GRAMD2B: variants seen among roughly 807,000 people sequenced by gnomAD.
GRAMD2B encodes GRAM domain-containing protein 2B.
Under a neutral mutation model 59.2 loss-of-function variants are expected in GRAMD2B, and 41 were observed. That is an observed-to-expected ratio of 0.69 (90% CI 0.54 to 0.90). The LOEUF is 0.90. Among genes scored for constraint, GRAMD2B ranks in the 40% least tolerant of loss-of-function variants. The pLI, the probability that GRAMD2B is intolerant of heterozygous loss-of-function variation, is 0.00. For missense variants in GRAMD2B, 424 were observed against 500.5 expected (o/e 0.85, Z 1.46); for synonymous variants, 161 against 182.7 (o/e 0.88, Z 0.96).
intron 1 of GRAMD2B, among the ~76,000 whole-genome samples, chr5:126,384,138 T>C (rs1431422905): frequency 6.6e-6 from 1 of 152,182 alleles, no homozygotes; most frequent in Admixed American, 6.5e-5. Flanking sequence ...TTCAGTCTAT[T>C]CTTCAATAGA....
intron 1 of GRAMD2B, among the ~76,000 whole-genome samples, chr5:126,416,132 C>T (rs963248273): frequency 2.0e-5 from 3 of 152,150 alleles, no homozygotes; most frequent in African/African-American, 7.2e-5. Context: ...GATTCCATAA[C>T]CCTAAATTGT....
chr5:126,412,716 T>C (rs10056475), intron 1 of GRAMD2B, among the ~76,000 whole-genome samples: 9,231 of 152,162 alleles, frequency 0.061, 335 homozygotes, highest in African/African-American at 0.1. Context: ...CTGGTAGAAT[T>C]TGGCTATAAC....
chr5:126,447,581 G>A (rs889303497), intron 1 of GRAMD2B, among the ~76,000 whole-genome samples: 6 of 151,466 alleles, frequency 4.0e-5, no homozygotes, highest in East Asian at 2.0e-4. Context: ...GGAGAATGGC[G>A]TGAACCCGGG....
chr5:126,435,709 C>T (rs564107147), intron 1 of GRAMD2B, among the ~76,000 whole-genome samples: 3 of 152,340 alleles, frequency 2.0e-5, no homozygotes, highest in South Asian at 4.1e-4. Context: ...CTTCTCTGCA[C>T]GCTTCTGTAG....
At chr5:126,392,214 C>G (rs1318310171) in intron 1 of GRAMD2B, among the ~76,000 whole-genome samples, 3 of 152,164 alleles carry the variant, frequency 2.0e-5, no homozygotes, top group African/African-American at 7.2e-5. Flanking sequence ...TTCCCCAAGA[C>G]CAGCCACACT....
chr5:126,376,592 C>T, intron 1 of GRAMD2B, among the ~76,000 whole-genome samples: 1 of 152,204 alleles, frequency 6.6e-6, no homozygotes, highest in East Asian at 1.9e-4. Context: ...AACAGGAACA[C>T]AGCAGACACT....
chr5:126,393,978 A>C (rs1021496127), intron 1 of GRAMD2B, among the ~76,000 whole-genome samples: 4 of 152,120 alleles, frequency 2.6e-5, no homozygotes, highest in Non-Finnish European at 5.9e-5. Flanking sequence ...AATTGTTAAA[A>C]AACTAGGAAT....
chr5:126,490,791 G>A (rs1340614023), intron 13 of GRAMD2B, among the ~76,000 whole-genome samples: 1 of 152,184 alleles, frequency 6.6e-6, no homozygotes, highest in Non-Finnish European at 1.5e-5. Flanking sequence ...GGCCGGTGAT[G>A]TCTAAGCCTC....
chr5:126,405,948 T>G (rs574450474), intron 1 of GRAMD2B, among the ~76,000 whole-genome samples: 1 of 151,976 alleles, frequency 6.6e-6, no homozygotes, highest in Admixed American at 6.6e-5. Flanking sequence ...AATGTTCTAG[T>G]GTTACATACT....
intron 8 of GRAMD2B, among the ~76,000 whole-genome samples, chr5:126,482,134 G>A (rs1772000708): frequency 6.6e-6 from 1 of 152,132 alleles, no homozygotes; most frequent in Non-Finnish European, 1.5e-5. Context: ...AAATCCATAG[G>A]CACAGAAAGT....
intron 1 of GRAMD2B, among the ~76,000 whole-genome samples, chr5:126,438,173 G>A (rs763221310): frequency 7.9e-5 from 12 of 152,064 alleles, no homozygotes; most frequent in Non-Finnish European, 1.5e-4. Context: ...AGGAAGCTAC[G>A]TAGGCTTTAA....
At chr5:126,413,704 C>T (rs1012934450) in intron 1 of GRAMD2B, among the ~76,000 whole-genome samples, 1 of 152,002 alleles carries the variant, frequency 6.6e-6, no homozygotes, top group African/African-American at 2.4e-5. Context: ...GTAATGAAGT[C>T]CCCCACTATT....
upstream of GRAMD2B, among the ~76,000 whole-genome samples, chr5:126,367,743 T>C (rs1754527606): frequency 1.3e-5 from 2 of 148,536 alleles, no homozygotes; most frequent in Non-Finnish European, 3.0e-5. Flanking sequence ...CTTCAGAAGA[T>C]TTTCTTTTCT....
chr5:126,481,917 G>A (rs545722442), intron 8 of GRAMD2B, among the ~76,000 whole-genome samples: 1 of 150,140 alleles, frequency 6.7e-6, no homozygotes, highest in Non-Finnish European at 1.5e-5. Flanking sequence ...GCAGTGAGCC[G>A]AGATCACGCC....
intron 1 of GRAMD2B, among the ~76,000 whole-genome samples, chr5:126,375,761 G>C (rs897890228): frequency 1.8e-4 from 27 of 152,126 alleles, no homozygotes; most frequent in African/African-American, 6.5e-4. Flanking sequence ...TCCTTGTATT[G>C]TTCCTGATTT....
chr5:126,369,489 T>C (rs1295748817), upstream of GRAMD2B, among the ~76,000 whole-genome samples: 1 of 152,228 alleles, frequency 6.6e-6, no homozygotes, highest in Non-Finnish European at 1.5e-5. Context: ...AGAGAGTCAA[T>C]AAATATTAGC....
intron 1 of GRAMD2B, among the ~76,000 whole-genome samples, chr5:126,453,126 G>A (rs1765659709): frequency 6.6e-6 from 1 of 152,194 alleles, no homozygotes; most frequent in Admixed American, 6.5e-5. Flanking sequence ...CCTGAGGTCA[G>A]GAGTTCAAGA....
intron 1 of GRAMD2B, among the ~76,000 whole-genome samples, chr5:126,394,501 C>T (rs1433837895): frequency 6.6e-6 from 1 of 152,164 alleles, no homozygotes; most frequent in African/African-American, 2.4e-5. Flanking sequence ...CTGCTTTGAG[C>T]CATAATGAGC....
intron 5 of GRAMD2B, among the ~76,000 whole-genome samples, chr5:126,475,703 C>T (rs373682112): frequency 4.6e-5 from 7 of 152,314 alleles, no homozygotes; most frequent in South Asian, 2.1e-4. Flanking sequence ...CAGTGGCTCA[C>T]GCCTGTAATC....
Sources: allele counts gnomAD v4.1 joint callset (sites outside exome capture counted in the v4.1 genomes callset), GRCh38; gene constraint gnomAD v4.1.1; transcripts MANE v1.5; gene names NCBI Gene and HGNC (gene_info 2026-07-23, HGNC 2026-07-21).